HDHD2: variants seen among roughly 807,000 people sequenced by gnomAD.
HDHD2 encodes the protein haloacid dehalogenase like hydrolase domain containing 2.
HDHD2 carries 26 observed loss-of-function variants against 24.8 expected under a neutral mutation model. The ratio of observed to expected loss-of-function variants is 1.05; its 90% CI spans 0.77 to 1.45. The LOEUF (loss-of-function observed/expected upper bound fraction) is 1.45, where lower values mean the gene tolerates loss of function less well. HDHD2 is among the 40% of genes most tolerant of loss of function. The pLI, the probability that HDHD2 is intolerant of heterozygous loss-of-function variation, is 0.00. For synonymous variants in HDHD2, 128 were observed against 114.9 expected (o/e 1.11, Z -0.73); for missense variants, 299 against 313.4 (o/e 0.95, Z 0.35).
At chr18:47,115,414 T>C (rs1599925045) in intron 4 of HDHD2, 66 bp from the exon 5 acceptor site, 2 of 1,154,358 alleles carry the variant, frequency 1.7e-6, no homozygotes, top group East Asian at 2.4e-5. Context: ...TGGGAACGAA[T>C]GTCAGACTTA....
chr18:47,134,507 G>C lies in HDHD2; in HGVS notation c.299C>G (p.Pro100Arg). The C allele has an allele frequency of 6.2e-7, 1 of 1,613,386 alleles. No individual in the cohort carries two copies. Among genetic ancestry groups the C allele is most frequent in the Middle Eastern group, 1.6e-4 (1 of 6,062 alleles). Residue 100 changes from proline to arginine, a missense_variant, in exon 3 of 7, where the codon CCT (proline) becomes CGT (arginine). Pro to Arg is a moderately radical substitution (Grantham distance 103). Coordinates refer to ENST00000300605, the MANE Select transcript of HDHD2 (RefSeq NM_032124.5). ...CAAATTTCCCCTACCTTTGAAATCA[G>C]GTAGTGCCCGATCATCAACTAGCAG... ...PMLLVDDRAL[P>R]DFKGIQTSDP...
At chr18:47,117,474 T>A (rs2063567130) in intron 4 of HDHD2, among the ~76,000 whole-genome samples, 1 of 152,230 alleles carries the variant, frequency 6.6e-6, no homozygotes, top group South Asian at 2.1e-4. Flanking sequence ...TTCTGCCTTC[T>A]ACCACAGGAT....
At chr18:47,150,277 C>T (rs1421673034) in intron 1 of HDHD2, 101 bp downstream of exon 1, 2 of 152,374 alleles carry the variant, frequency 1.3e-5, no homozygotes, top group Non-Finnish European at 2.9e-5. Context: ...GGAGGGGCGG[C>T]CTGGGGGCGC....
At chr18:47,136,823 C>A (rs2063771230) in intron 1 of HDHD2, among the ~76,000 whole-genome samples, 1 of 152,148 alleles carries the variant, frequency 6.6e-6, no homozygotes, top group Non-Finnish European at 1.5e-5. Flanking sequence ...AGGACTAAAT[C>A]ATTAGCAGAG....
intron 1 of HDHD2, chr18:47,137,218 C>T: frequency 4.7e-6 from 3 of 642,846 alleles, no homozygotes; most frequent in South Asian, 4.3e-5. Flanking sequence ...GGCAATCAAT[C>T]ACTGAAACAG....
At position 47,108,746 on chromosome 18, in the gene HDHD2, G is replaced by A. The variant is rs750514512; in HGVS notation, c.716C>T (p.Pro239Leu). The A allele has an allele frequency of 1.2e-6, 2 of 1,611,232 alleles. No homozygotes were observed. Among genetic ancestry groups the A allele is most frequent in the South Asian group, 1.1e-5 (1 of 90,800 alleles). Residue 239 changes from proline (P) to leucine (L), a missense_variant, in exon 7 of 7, where the codon CCT becomes CTT. Transcript: ENST00000300605. ...GAAACTCTCACAAGTTAAGTAAGGA[G>A]GTGGATTAATTTTTTCTTCATCTGA... is the stretch of plus-strand genomic sequence containing the variant. The part of the protein sequence containing the change: ...RASDEEKINP[P>L]PYLTCESFPH...
At chr18:47,121,442 G>T (rs2063606272) in intron 4 of HDHD2, among the ~76,000 whole-genome samples, 1 of 152,120 alleles carries the variant, frequency 6.6e-6, no homozygotes, top group South Asian at 2.1e-4. Flanking sequence ...AGGAAATCCA[G>T]TAATTTCCAA....
intron 1 of HDHD2, among the ~76,000 whole-genome samples, 175 bp from the exon 2 acceptor site, chr18:47,136,624 A>G (rs951127003): frequency 6.6e-6 from 1 of 151,692 alleles, no homozygotes; most frequent in Non-Finnish European, 1.5e-5. Context: ...TGATCCATAA[A>G]CCTTTTACAA....
chr18:47,120,008 G>A (rs2063590734), intron 4 of HDHD2, among the ~76,000 whole-genome samples: 1 of 152,184 alleles, frequency 6.6e-6, no homozygotes, highest in Non-Finnish European at 1.5e-5. Flanking sequence ...TCTCAATAGT[G>A]TCTTGGAACA....
At chr18:47,139,230 G>GGGT (rs1226228293) in intron 1 of HDHD2, among the ~76,000 whole-genome samples, 1 of 151,910 alleles carries the variant, frequency 6.6e-6, no homozygotes, top group Non-Finnish European at 1.5e-5. Flanking sequence ...AGGCTGAGGT[G>GGGT]GGTGGATCAC....
At chr18:47,124,170 C>G (rs977647672) in intron 4 of HDHD2, among the ~76,000 whole-genome samples, 1 of 152,224 alleles carries the variant, frequency 6.6e-6, no homozygotes, top group Non-Finnish European at 1.5e-5. Context: ...AAAATAGATT[C>G]TACACCTAAT....
At chr18:47,136,069 G>A (rs1361804516) in intron 2 of HDHD2, among the ~76,000 whole-genome samples, 1 of 152,096 alleles carries the variant, frequency 6.6e-6, no homozygotes, top group Non-Finnish European at 1.5e-5. Context: ...CTCTTGAGTT[G>A]TCATTCCAAC....
At chr18:47,141,678 C>G (rs987835355) in intron 1 of HDHD2, among the ~76,000 whole-genome samples, 2 of 152,154 alleles carry the variant, frequency 1.3e-5, no homozygotes, top group African/African-American at 4.8e-5. Flanking sequence ...TTAGCTTTGG[C>G]CATTGAGAGC....
chr18:47,146,749 C>T lies in HDHD2; in HGVS notation c.-11+3629G>A, dbSNP rs1040051863. Among the ~76,000 whole-genome samples the T allele has an allele frequency of 2.6e-5, 4 of 152,120 alleles. No individual in the cohort carries two copies. In the South Asian group the frequency reaches 6.2e-4, roughly 24 times the overall value. ...AAAGCAAGTCAAAAAAGAATATATACAGTATGGTTTCATATTATAGTACTC... is the reference window on the plus strand; with the variant it reads ...AAAGCAAGTCAAAAAAGAATATATATAGTATGGTTTCATATTATAGTACTC... On this transcript the variant is annotated intron_variant, in intron 1 of 6. Coordinates refer to ENST00000300605, the MANE Select transcript of HDHD2 (RefSeq NM_032124.5).
At position 47,130,344 on chromosome 18, in the gene HDHD2, A is replaced by AAAAATG. The variant is rs749719485; in HGVS notation, c.311-22_311-17dup. ...GTTTGTATTCCTGGGAACGGAAAAAAAAAATGATTGTTGCAAATGCAATTA... is the reference window on the plus strand; with the variant it reads ...GTTTGTATTCCTGGGAACGGAAAAAAAAAATGAAAATGATTGTTGCAAATGCAATTA... On this transcript the variant is annotated splice_polypyrimidine_tract_variant and intron_variant, in intron 3 of 6. Coordinates refer to ENST00000300605, the MANE Select transcript of HDHD2 (RefSeq NM_032124.5). The AAAAATG allele has an allele frequency of 3.2e-6, 5 of 1,540,596 alleles. No homozygotes were observed. The highest frequency in any genetic ancestry group is 1.2e-5 in the South Asian group (1 of 84,816).
At position 47,136,371 on chromosome 18, in the gene HDHD2, T is replaced by C. The variant is rs2063766201; in HGVS notation, c.69A>G (p.Ala23=). ...GAGCTTCCTGTGCGCCTGGCACAGC[T>C]GCATCTTCAATGTGAAGTGTGCCAC... The part of the protein sequence containing the change: ...DLSGTLHIED[A]AVPGAQEALK... The change falls in exon 2 of 7, where the codon GCA becomes GCG. Residue 23 remains alanine (A), a synonymous_variant. Transcript: ENST00000300605. The C allele has an allele frequency of 6.2e-7, 1 of 1,613,192 alleles. No homozygotes were observed. Among genetic ancestry groups the C allele is most frequent in the South Asian group, 1.1e-5 (1 of 91,080 alleles).
chr18:47,125,171 TAAC>T (rs1568049861), intron 4 of HDHD2, among the ~76,000 whole-genome samples: 1 of 150,876 alleles, frequency 6.6e-6, no homozygotes, highest in Non-Finnish European at 1.5e-5. Context: ...TTGAAAAAAA[TAAC>T]AACAAAAAAA....
chr18:47,115,906 C>G (rs2063554985), intron 4 of HDHD2, among the ~76,000 whole-genome samples: 3 of 152,094 alleles, frequency 2.0e-5, no homozygotes, highest in Admixed American at 2.0e-4. Flanking sequence ...TGACTGCTTT[C>G]AACATTATTT....
intron 1 of HDHD2, among the ~76,000 whole-genome samples, chr18:47,144,401 A>T (rs2063848199): frequency 6.6e-6 from 1 of 152,168 alleles, no homozygotes; most frequent in African/African-American, 2.4e-5. Context: ...CAAGAAAATC[A>T]ACTGCTTTGA....
Sources: gnomAD v4.1 joint callset for allele counts (sites outside exome capture counted in the v4.1 genomes callset) on GRCh38, gnomAD v4.1.1 for gene constraint, MANE v1.5 for transcripts, NCBI Gene and HGNC (gene_info 2026-07-23, HGNC 2026-07-21) for gene names.